The following SRRT variants were observed in gnomAD, a reference collection of about 807,000 sequenced individuals.
SRRT encodes the protein serrate RNA effector molecule homolog.
A neutral mutation model predicts 103.2 loss-of-function variants in SRRT; 32 were observed. That is an observed-to-expected ratio of 0.31 (90% CI 0.23 to 0.42). SRRT has a LOEUF of 0.42. SRRT is among the 10% of genes least tolerant of loss of function. The pLI is 1.00. For synonymous variants in SRRT, 525 were observed against 449.0 expected (o/e 1.17, Z -2.14); for missense variants, 986 against 1,207.5 (o/e 0.82, Z 2.72).
In SRRT at chr7:100,888,628, G is replaced by C. The variant is rs114922826; in HGVS notation, c.*79G>C. ...ATGAAGCTCTGAGAATTTTTTGTAC[G>C]ATCAGCCTTACTGCTAATAAAAGCA... On this transcript the variant is annotated 3_prime_UTR_variant, in exon 20 of 20. Coordinates refer to ENST00000611405, the MANE Select transcript of SRRT (RefSeq NM_015908.6). 6 of 1,577,336 alleles carry C rather than the reference G, an allele frequency of 3.8e-6. No homozygotes were observed. The highest frequency in any genetic ancestry group is 1.3e-5 in the African/African-American group (1 of 74,308).
rs147475982 is a variant in SRRT, at chr7:100,882,179, C to T, written c.525C>T (p.Tyr175=). The change falls in exon 5 of 20, where the codon TAC becomes TAT. Residue 175 remains tyrosine (Y), a synonymous_variant. Coordinates refer to ENST00000611405, the MANE Select transcript of SRRT (RefSeq NM_015908.6). This position sits in a 1 kb window ranked among gnomAD's most constrained non-coding sequence, Gnocchi z 4.2. ...ETEAVKRYND[Y]KLDFRRQQMQ... ...AGGCCGTCAAGCGCTATAATGACTA[C>T]AAGCTGGATTTCCGGAGGCAACAGA... The T allele has an allele frequency of 1.3e-4, 217 of 1,614,088 alleles. 1 individual carries two copies. The highest frequency in any genetic ancestry group is 5.0e-5 in the Admixed American group (3 of 59,998).
At chr7:100,886,522 G>T in intron 13 of SRRT, 87 bp downstream of exon 13, 1 of 1,387,030 alleles carries the variant, frequency 7.2e-7, no homozygotes, top group Non-Finnish European at 9.7e-7. Context: ...CTGTAGCCTT[G>T]AACCCTTGCA....
Position 100,884,191 on chromosome 7 carries a change from C to T in SRRT, c.709C>T (p.Leu237Phe). ...GGAGACTGGCTGGTTTGATAACCTT[C>T]TCCTGGACATAGACAAAGCTGATGC... is the stretch of plus-strand genomic sequence containing the variant. ...LMETGWFDNL[L>F]LDIDKADAIV... The change falls in exon 6 of 20, where the codon CTC becomes TTC. Residue 237 changes from leucine (L) to phenylalanine (F), a missense_variant. Coordinates refer to ENST00000611405, the MANE Select transcript of SRRT (RefSeq NM_015908.6). 2.5e-6 allele frequency: 4 copies of T among 1,614,156 alleles called. No individual in the cohort carries two copies. Among genetic ancestry groups the T allele is most frequent in the South Asian group, 1.1e-5 (1 of 91,084 alleles).
chr7:100,888,303 C>T lies in SRRT; in HGVS notation c.2475C>T (p.Pro825=), dbSNP rs1412867573. 2 of 1,614,048 alleles carry T rather than the reference C, an allele frequency of 1.2e-6. No homozygotes were observed. Among genetic ancestry groups the T allele is most frequent in the Non-Finnish European group, 1.7e-6 (2 of 1,179,916 alleles). The change falls in exon 19 of 20, where the codon CCC becomes CCT. Residue 825 remains proline, a synonymous_variant. Coordinates refer to ENST00000611405, the MANE Select transcript of SRRT (RefSeq NM_015908.6). ...PAVPTGGPPY[P]HAPYGAGRGN... ...TCCCCACAGGAGGCCCTCCATACCC[C>T]CATGCCCCGTATGGTGCTGGTCGAG...
At chr7:100,881,555 C>T in intron 3 of SRRT, 104 bp from the exon 4 acceptor site, 1 of 1,576,352 alleles carries the variant, frequency 6.3e-7, no homozygotes, top group Non-Finnish European at 8.6e-7. Context: ...CCCTTGAAAC[C>T]CTTGTCTGGG....
rs1297892035 is a variant in SRRT, at chr7:100,886,372, C to G, written c.1584C>G (p.Ile528Met). 2 of 1,613,714 alleles carry G rather than the reference C, an allele frequency of 1.2e-6. No individual in the cohort carries two copies. Among genetic ancestry groups the G allele is most frequent in the African/African-American group, 2.7e-5 (2 of 74,908 alleles). Residue 528 changes from isoleucine (I) to methionine (M), a missense_variant, in exon 13 of 20, where the codon ATC (isoleucine) becomes ATG (methionine). Physicochemically the swap from Ile to Met is conservative, Grantham distance 10 (BLOSUM62 1). Coordinates refer to ENST00000611405, the MANE Select transcript of SRRT (RefSeq NM_015908.6). Reference protein sequence around the residue: ...RNDIKLAAKLIHTLDDRTQLW... With the variant: ...RNDIKLAAKLMHTLDDRTQLW... ...ACATCAAGCTGGCGGCCAAGCTGAT[C>G]CACACGCTGGATGACAGGACACAGC...
In SRRT at chr7:100,885,798, G is replaced by C. The variant is rs756065010; in HGVS notation, c.1379+36G>C. 1 of 1,613,812 alleles carries C rather than the reference G, an allele frequency of 6.2e-7. No homozygotes were observed. On this transcript the variant is annotated intron_variant, in intron 11 of 19. Coordinates refer to ENST00000611405, the MANE Select transcript of SRRT (RefSeq NM_015908.6). This position sits in a 1 kb window ranked among gnomAD's most constrained non-coding sequence, Gnocchi z 4.8. ...CGGTGCGTTGGAGGGAAAAGTGCAG[G>C]GGAACGTTAATGGCCAACACCAACT...
At chr7:100,884,611 GGGGTCCATA>G in intron 7 of SRRT, 59 bp downstream of exon 7, 1 of 1,532,608 alleles carries the variant, frequency 6.5e-7, no homozygotes, top group South Asian at 1.2e-5. Context: ...GGGGCGGGTA[GGGGTCCATA>G]GGAGCTAGAA....
intron 2 of SRRT, among the ~76,000 whole-genome samples, chr7:100,877,894 GACAA>G (rs746510272): frequency 2.4e-4 from 37 of 152,172 alleles, no homozygotes; most frequent in Non-Finnish European, 1.6e-4. Flanking sequence ...TTGAATGAAT[GACAA>G]ACAGTGATTG....
chr7:100,875,329 G>A lies in SRRT; in HGVS notation c.-19+1G>A, dbSNP rs1458414019. The stretch of plus-strand genomic sequence containing the variant: ...GTCCAACGGCCGCGGCCGCACCAAG[G>A]TGGGGGAGGGGAGGAGCCTGGGGGG... On this transcript the variant is annotated splice_donor_variant, in intron 1 of 19. Coordinates refer to ENST00000611405, the MANE Select transcript of SRRT (RefSeq NM_015908.6). LOFTEE classifies it low-confidence loss of function (5UTR_SPLICE). 3.3e-6 allele frequency: 4 copies of A among 1,213,236 alleles called. No individual in the cohort carries two copies. The highest frequency in any genetic ancestry group is 3.1e-5 in the African/African-American group (2 of 63,966). The allele number at this position is 1,213,236 out of a possible 1,614,324, so 75.2% of individuals were successfully genotyped here.
Position 100,887,182 on chromosome 7 carries a change from C to T in SRRT, c.1957C>T (p.Arg653Cys), listed in dbSNP as rs781556577. 10 of 1,614,072 alleles carry T rather than the reference C, an allele frequency of 6.2e-6. No individual in the cohort carries two copies. The highest frequency in any genetic ancestry group is 1.3e-5 in the African/African-American group (1 of 74,920). The stretch of plus-strand genomic sequence containing the variant: ...CGTTCGGGGGCCCATGCCACCCAAC[C>T]GCATCAGTCACGGGGAAGGTGAGCT... ...IHVRGPMPPN[R>C]ISHGEVLEWQ... is the part of the protein sequence containing the mutation. Residue 653 changes from arginine (R) to cysteine (C), a missense_variant, in exon 15 of 20, where the codon CGC (arginine) becomes TGC (cysteine). Arg to Cys is a radical substitution (Grantham distance 180). Transcript: ENST00000611405. The surrounding 1 kb of genome is among the most constrained non-coding windows in gnomAD (Gnocchi z 4.1).
At chr7:100,875,507 C>T (rs1378806378) in intron 1 of SRRT, 66 bp from the exon 2 acceptor site, 2 of 1,589,092 alleles carry the variant, frequency 1.3e-6, no homozygotes, top group African/African-American at 1.3e-5. Context: ...GAGCTGCCCG[C>T]GAGGGACGGT....
At chr7:100,875,392 G>A in intron 1 of SRRT, 64 bp downstream of exon 1, 5 of 1,364,038 alleles carry the variant, frequency 3.7e-6, no homozygotes, top group Non-Finnish European at 4.8e-6. Context: ...GTCCACGGGG[G>A]CGGGCGCGGA....
chr7:100,886,179 C>CT (rs1790080700), intron 12 of SRRT, 68 bp from the exon 13 acceptor site: 1 of 1,539,356 alleles, frequency 6.5e-7, no homozygotes. Flanking sequence ...AGGGAAGGGT[C>CT]TTAGAGCTGC....
In SRRT at chr7:100,888,424, A is replaced by G. The variant is rs371124764; in HGVS notation, c.2555+41A>G. 386 of 1,612,258 alleles carry G rather than the reference A, an allele frequency of 2.4e-4. 4 individuals carry two copies. The highest frequency in any genetic ancestry group is 2.8e-5 in the Non-Finnish European group (33 of 1,178,862). On this transcript the variant is annotated intron_variant, in intron 19 of 19. Transcript: ENST00000611405. ...GCCCAAGCTTTGTTGCCGCCTGCAG[A>G]CTCCCTTTTGGGAGCCCTCAGCTCT...
rs1048178349 is a variant in SRRT at position 100,885,718 on chromosome 7, A to G, written c.1335A>G (p.Pro445=). 1.9e-6 allele frequency: 3 copies of G among 1,613,044 alleles called. No individual in the cohort carries two copies. Among genetic ancestry groups the G allele is most frequent in the Non-Finnish European group, 2.5e-6 (3 of 1,179,554 alleles). The change falls in exon 11 of 20, where the codon CCA becomes CCG. Residue 445 remains proline, a synonymous_variant. Coordinates refer to ENST00000611405, the MANE Select transcript of SRRT (RefSeq NM_015908.6). The surrounding 1 kb of genome is among the most constrained non-coding windows in gnomAD (Gnocchi z 4.8). ...TCTTGCAGCTTTGTAAAAGGTACCCAGGCTTTATGCGGGTGGCGCTCTCAG... is the reference window on the plus strand; with the variant it reads ...TCTTGCAGCTTTGTAAAAGGTACCCGGGCTTTATGCGGGTGGCGCTCTCAG... The part of the protein sequence containing the change: ...AEIISLCKRY[P]GFMRVALSEP...
chr7:100,881,446 T>G (rs772308701), intron 3 of SRRT, 33 bp downstream of exon 3: 21 of 1,603,306 alleles, frequency 1.3e-5, no homozygotes, highest in Non-Finnish European at 1.8e-5. Flanking sequence ...TCCTCCCCTT[T>G]GCCTCAGTTC....
chr7:100,886,239 C>T lies in SRRT; in HGVS notation c.1459-8C>T, dbSNP rs749990540. The T allele has an allele frequency of 1.9e-6, 3 of 1,607,714 alleles. No homozygotes were observed. The highest frequency in any genetic ancestry group is 2.7e-5 in the African/African-American group (2 of 74,762). ...TGGGGTAAGCTGCTGATGATGTCTG[C>T]CCTCCAGCTCCGGGAGTGTGAGCTG... is the stretch of plus-strand genomic sequence containing the variant. On this transcript the variant is annotated splice_region_variant and splice_polypyrimidine_tract_variant and intron_variant, in intron 12 of 19. Coordinates refer to ENST00000611405, the MANE Select transcript of SRRT (RefSeq NM_015908.6).
At position 100,882,787 on chromosome 7, in the gene SRRT, C is replaced by G. The variant is rs911895195; in HGVS notation, c.587+546C>G. ...AAGAGCCAGAACTGGGAACTACACC[C>G]GCTCATCGACGGAGCTCGGAGCAAA... On this transcript the variant is annotated intron_variant, in intron 5 of 19. Coordinates refer to ENST00000611405, the MANE Select transcript of SRRT (RefSeq NM_015908.6). The surrounding 1 kb of genome is among the most constrained non-coding windows in gnomAD (Gnocchi z 4.2). The G allele has an allele frequency of 6.5e-6, 1 of 154,364 alleles. No homozygotes were observed. The highest frequency in any genetic ancestry group is 1.4e-5 in the Non-Finnish European group (1 of 69,362). 9.6% of individuals were successfully genotyped at this position (154,364 alleles called of 1,614,324 possible).
Sources: allele counts gnomAD v4.1 joint callset (sites outside exome capture counted in the v4.1 genomes callset), GRCh38; gene constraint gnomAD v4.1.1; non-coding constraint Gnocchi (gnomAD v3.1); transcripts MANE v1.5; gene names NCBI Gene and HGNC (gene_info 2026-07-23, HGNC 2026-07-21).